CA10: variants seen among roughly 807,000 people sequenced by gnomAD.
CA10 encodes the protein carbonic anhydrase-related protein 10.
Under a neutral mutation model 44.2 loss-of-function variants are expected in CA10, and 14 were observed. The ratio of observed to expected loss-of-function variants is 0.32; its 90% CI spans 0.21 to 0.50. The LOEUF (loss-of-function observed/expected upper bound fraction) is 0.50, where lower values mean the gene tolerates loss of function less well. CA10 is among the 20% of genes least tolerant of loss of function. The pLI is 0.99. For missense variants in CA10, 350 were observed against 409.7 expected, an observed-to-expected ratio of 0.85 and a Z score of 1.26; for synonymous variants, 159 against 141.6, an observed-to-expected ratio of 1.12 and a Z score of -0.87.
intron 1 of CA10, among the ~76,000 whole-genome samples, chr17:52,110,899 A>G (rs1307563350): frequency 6.6e-6 from 1 of 152,146 alleles, no homozygotes; most frequent in Non-Finnish European, 1.5e-5. Context: ...ACCTATACTC[A>G]CAGCAACCAT....
At chr17:52,106,126 T>C (rs1375018847) in intron 1 of CA10, among the ~76,000 whole-genome samples, 2 of 152,242 alleles carry the variant, frequency 1.3e-5, no homozygotes, top group African/African-American at 4.8e-5. Flanking sequence ...CTGGCCCGCA[T>C]CACGGGTTTA....
chr17:51,730,466 A>T (rs1402423037), intron 4 of CA10, among the ~76,000 whole-genome samples: 2 of 152,210 alleles, frequency 1.3e-5, no homozygotes, highest in African/African-American at 4.8e-5. Context: ...TGTGGCCAGA[A>T]AATCAACAGG....
At chr17:51,919,799 G>A (rs888643969) in intron 3 of CA10, among the ~76,000 whole-genome samples, 28 of 152,088 alleles carry the variant, frequency 1.8e-4, no homozygotes, top group East Asian at 1.8e-3. Flanking sequence ...CTACAGGTGC[G>A]CACCACCACA....
intron 3 of CA10, among the ~76,000 whole-genome samples, chr17:51,921,173 A>T (rs1982216874): frequency 6.6e-6 from 1 of 152,200 alleles, no homozygotes; most frequent in African/African-American, 2.4e-5. Flanking sequence ...ACCACTGCTC[A>T]TACAGAATCA....
intron 3 of CA10, among the ~76,000 whole-genome samples, chr17:51,849,868 T>G (rs1489168751): frequency 2.6e-5 from 4 of 152,116 alleles, no homozygotes; most frequent in Non-Finnish European, 4.4e-5. Context: ...TTTCTTTGCA[T>G]GAATACCCCA....
intron 2 of CA10, among the ~76,000 whole-genome samples, chr17:51,942,679 C>T (rs1031573622): frequency 6.6e-6 from 1 of 151,908 alleles, no homozygotes; most frequent in Non-Finnish European, 1.5e-5. Flanking sequence ...GTTTTTACTA[C>T]AGTATCTTAC....
chr17:52,157,959 G>C lies in CA10; in HGVS notation c.-173C>G. On this transcript the variant is annotated 5_prime_UTR_variant, in exon 1 of 9. Coordinates refer to ENST00000451037, the MANE Select transcript of CA10 (RefSeq NM_020178.5). ...ACCCCCAAGATCAATATCGCAGTTT[G>C]AATTGTTCCGGCAAATCTCCCCTCG... is the stretch of plus-strand genomic sequence containing the variant. The C allele has an allele frequency of 1.5e-6, 1 of 653,382 alleles. No homozygotes were observed. Among genetic ancestry groups the C allele is most frequent in the South Asian group, 1.7e-5 (1 of 58,066 alleles). The allele number at this position is 653,382 out of a possible 1,614,324, so 40.5% of individuals were successfully genotyped here.
chr17:51,808,254 T>C (rs1907210576), intron 3 of CA10, among the ~76,000 whole-genome samples: 1 of 152,148 alleles, frequency 6.6e-6, no homozygotes, highest in South Asian at 2.1e-4. Flanking sequence ...GTCATCAAGA[T>C]TTTGTATTGC....
At chr17:51,939,788 T>C (rs1317766744) in intron 2 of CA10, among the ~76,000 whole-genome samples, 1 of 152,098 alleles carries the variant, frequency 6.6e-6, no homozygotes, top group African/African-American at 2.4e-5. Context: ...ATGTGAATTA[T>C]GGAGATATTA....
chr17:51,661,589 ATTG>A (rs1281017987), intron 4 of CA10: 2 of 152,210 alleles, frequency 1.3e-5, no homozygotes, highest in Non-Finnish European at 2.9e-5. Context: ...GTAAGCTACT[ATTG>A]TTGTTGTTAT....
At chr17:51,819,885 C>T (rs1567850113) in intron 3 of CA10, among the ~76,000 whole-genome samples, 2 of 152,096 alleles carry the variant, frequency 1.3e-5, no homozygotes, top group African/African-American at 4.8e-5. Context: ...TCTTTCTCTC[C>T]CTCTGTTTCT....
At chr17:52,076,091 G>C (rs989262129) in intron 1 of CA10, among the ~76,000 whole-genome samples, 1 of 152,150 alleles carries the variant, frequency 6.6e-6, no homozygotes, top group African/African-American at 2.4e-5. Flanking sequence ...AAGATGACTA[G>C]GTTCTCAGAT....
At chr17:52,152,186 TAGACATGCAACAGAAA>T in intron 1 of CA10, among the ~76,000 whole-genome samples, 1 of 152,214 alleles carries the variant, frequency 6.6e-6, no homozygotes, top group African/African-American at 2.4e-5. Flanking sequence ...GTGCTAGTTG[TAGACATGCAACAGAAA>T]TTTAAAATCC....
At chr17:52,038,385 C>T (rs1042295545) in intron 2 of CA10, among the ~76,000 whole-genome samples, 6 of 152,136 alleles carry the variant, frequency 3.9e-5, no homozygotes, top group Non-Finnish European at 7.4e-5. Context: ...GAGAGGCTAC[C>T]AATTTTTGCC....
chr17:52,116,857 T>A (rs1451795997), intron 1 of CA10, among the ~76,000 whole-genome samples: 1 of 152,148 alleles, frequency 6.6e-6, no homozygotes, highest in Non-Finnish European at 1.5e-5. Context: ...TCTGTGAAGT[T>A]CTGATTAATG....
intron 3 of CA10, among the ~76,000 whole-genome samples, chr17:51,788,199 T>C (rs1685749686): frequency 1.3e-5 from 2 of 152,238 alleles, no homozygotes; most frequent in Admixed American, 1.3e-4. Flanking sequence ...AATTTCTTTA[T>C]TGATCCTCTG....
intron 1 of CA10, among the ~76,000 whole-genome samples, chr17:52,079,680 A>C (rs995432250): frequency 1.3e-5 from 2 of 152,134 alleles, no homozygotes; most frequent in African/African-American, 4.8e-5. Flanking sequence ...AAGTGGTTTC[A>C]AGTTGGTTGA....
intron 3 of CA10, among the ~76,000 whole-genome samples, chr17:51,866,759 A>G (rs1979564480): frequency 6.6e-6 from 1 of 152,200 alleles, no homozygotes; most frequent in Non-Finnish European, 1.5e-5. Flanking sequence ...GTCTTCTAAC[A>G]TAGTCACATG....
intron 3 of CA10, among the ~76,000 whole-genome samples, chr17:51,784,188 G>A (rs936484794): frequency 6.6e-6 from 1 of 152,172 alleles, no homozygotes; most frequent in Non-Finnish European, 1.5e-5. Context: ...AACTCTGGGA[G>A]TTCTCAGAGG....
Sources: allele counts gnomAD v4.1 joint callset (sites outside exome capture counted in the v4.1 genomes callset), GRCh38; gene constraint gnomAD v4.1.1; transcripts MANE v1.5; gene names NCBI Gene and HGNC (gene_info 2026-07-23, HGNC 2026-07-21).